NR2C2: variants seen among roughly 807,000 people sequenced by gnomAD.
The protein encoded by NR2C2 is Nuclear hormone receptor TR4.
In NR2C2, 6 loss-of-function variants were observed where a neutral mutation model predicts 62.9. The ratio of observed to expected loss-of-function variants is 0.10; its 90% CI spans 0.05 to 0.19. The LOEUF (loss-of-function observed/expected upper bound fraction) is 0.19. NR2C2 is among the 10% of genes least tolerant of loss of function. The probability of loss-of-function intolerance (pLI) is 1.00; values close to 1 mark genes in which losing one functional copy is unlikely to be tolerated. For synonymous variants in NR2C2, 272 were observed against 273.8 expected (o/e 0.99, Z 0.07); for missense variants, 479 against 762.7 (o/e 0.63, Z 4.38).
chr3:14,955,980 TGCTGCACTTTTTTACA>T (rs1482473422), intron 1 of NR2C2, among the ~76,000 whole-genome samples: 4 of 152,234 alleles, frequency 2.6e-5, no homozygotes, highest in African/African-American at 9.6e-5. Flanking sequence ...TACATATCAT[TGCTGCACTTTTTTACA>T]GTTGCTTTGA....
At chr3:15,023,415 G>A (rs2125029680) in intron 6 of NR2C2, 68 bp downstream of exon 6, 3 of 1,537,276 alleles carry the variant, frequency 2.0e-6, no homozygotes, top group Non-Finnish European at 2.7e-6. Context: ...GTGTCCCACA[G>A]CAGGCACTGT....
chr3:14,954,587 A>G (rs2039469886), intron 1 of NR2C2, among the ~76,000 whole-genome samples: 1 of 152,244 alleles, frequency 6.6e-6, no homozygotes, highest in South Asian at 2.1e-4. Flanking sequence ...TACAAAAATA[A>G]TGTTGGGCAA....
chr3:14,976,393 G>T (rs2040205332), intron 1 of NR2C2, among the ~76,000 whole-genome samples: 1 of 152,048 alleles, frequency 6.6e-6, no homozygotes, highest in African/African-American at 2.4e-5. Flanking sequence ...CTCCAACATA[G>T]TTGTAAAACT....
At chr3:15,035,407 G>T (rs1350210022) in intron 11 of NR2C2, among the ~76,000 whole-genome samples, 2 of 152,226 alleles carry the variant, frequency 1.3e-5, no homozygotes, top group Non-Finnish European at 2.9e-5. Flanking sequence ...TTCTTGATAG[G>T]CATTTAGTGA....
chr3:15,018,138 A>G (rs146889559), intron 4 of NR2C2, among the ~76,000 whole-genome samples: 7 of 152,266 alleles, frequency 4.6e-5, no homozygotes, highest in African/African-American at 1.2e-4. Flanking sequence ...AGCTGGGACT[A>G]TAGGTGTCTG....
intron 1 of NR2C2, among the ~76,000 whole-genome samples, chr3:14,998,387 A>T (rs1574981145): frequency 6.6e-6 from 1 of 152,202 alleles, no homozygotes; most frequent in African/African-American, 2.4e-5. Flanking sequence ...TACTACCAGC[A>T]ATGTATGAAG....
intron 1 of NR2C2, among the ~76,000 whole-genome samples, chr3:14,983,194 T>C (rs1244369815): frequency 6.6e-6 from 1 of 152,126 alleles, no homozygotes; most frequent in Non-Finnish European, 1.5e-5. Context: ...CTATCAAATA[T>C]TAGATCTTAT....
intron 8 of NR2C2, among the ~76,000 whole-genome samples, chr3:15,029,844 T>TAGATAC (rs2041928005): frequency 1.8e-5 from 2 of 113,268 alleles, no homozygotes; most frequent in Admixed American, 9.0e-5. Flanking sequence ...TAGATAGATA[T>TAGATAC]AGATAGACCC....
At chr3:14,967,790 A>C (rs2039900444) in intron 1 of NR2C2, among the ~76,000 whole-genome samples, 1 of 152,232 alleles carries the variant, frequency 6.6e-6, no homozygotes, top group Non-Finnish European at 1.5e-5. Context: ...CAAAACAGAG[A>C]TATAGATCAA....
chr3:14,956,789 C>T (rs2039538671), intron 1 of NR2C2, among the ~76,000 whole-genome samples: 1 of 152,238 alleles, frequency 6.6e-6, no homozygotes, highest in Admixed American at 6.5e-5. Context: ...GATCCGCCTG[C>T]CTTGGCCTCC....
intron 2 of NR2C2, among the ~76,000 whole-genome samples, 153 bp downstream of exon 2, chr3:15,004,139 C>T (rs1460603948): frequency 1.3e-5 from 2 of 152,122 alleles, no homozygotes; most frequent in Non-Finnish European, 2.9e-5. Context: ...AGAAAAAATG[C>T]TTACATTTAT....
At chr3:15,037,203 T>TTTTG (rs987915349) in intron 11 of NR2C2, among the ~76,000 whole-genome samples, 1 of 126,992 alleles carries the variant, frequency 7.9e-6, no homozygotes, top group African/African-American at 3.3e-5. Flanking sequence ...TGTTATTGTT[T>TTTTG]TTTGTTTGTG....
rs1553639444 is a variant in NR2C2 at position 14,981,623 on chromosome 3, A to AAAAAG, written c.-39-22253_-39-22252insAAAAG. ...GTCTCAAAAAAAAAAAAAAAAAAAA[A>AAAAAG]GAGTATTGATTCACATGATCACAAG... On this transcript the variant is annotated intron_variant, in intron 1 of 13. Coordinates refer to ENST00000425241, the MANE Select transcript of NR2C2 (RefSeq NM_001291694.2). Among the ~76,000 whole-genome samples the AAAAAG allele has an allele frequency of 1.4e-4, 19 of 140,396 alleles. 2 individuals are homozygous for AAAAAG. The highest frequency in any genetic ancestry group is 3.9e-4 in the African/African-American group (14 of 36,314). 92.1% of individuals were successfully genotyped at this position (140,396 alleles called of 152,430 possible). A position where few individuals can be genotyped will look rare whatever the true frequency, so the allele number is the denominator to read the frequency against.
chr3:15,029,796 G>GATAC (rs1559303916), intron 8 of NR2C2, among the ~76,000 whole-genome samples: 1 of 84,186 alleles, frequency 1.2e-5, no homozygotes, highest in Middle Eastern at 7.6e-3. Flanking sequence ...ATAAATAATA[G>GATAC]ATAGATAGAT....
chr3:15,029,234 C>CA (rs1307430625), intron 8 of NR2C2, among the ~76,000 whole-genome samples: 1 of 152,022 alleles, frequency 6.6e-6, no homozygotes, highest in Non-Finnish European at 1.5e-5. Flanking sequence ...CGTGCGCCAC[C>CA]ACCCCCACCC....
chr3:15,007,386 C>A (rs1312080474), intron 2 of NR2C2, among the ~76,000 whole-genome samples: 1 of 152,154 alleles, frequency 6.6e-6, no homozygotes, highest in Non-Finnish European at 1.5e-5. Flanking sequence ...CTCGGCCTCC[C>A]AAAATTCTGG....
chr3:15,034,519 C>T, intron 10 of NR2C2, 151 bp from the exon 11 acceptor site: 2 of 648,806 alleles, frequency 3.1e-6, no homozygotes, highest in Non-Finnish European at 5.0e-6. Context: ...AGACTTCATC[C>T]TTTTCTTGAA....
intron 2 of NR2C2, 106 bp from the exon 3 acceptor site, chr3:15,013,483 A>G (rs1190139209): frequency 1.1e-6 from 1 of 874,674 alleles, no homozygotes; most frequent in Non-Finnish European, 1.9e-6. Context: ...GTTAGACAGC[A>G]TTAATTCAAG....
At chr3:14,985,362 C>T (rs1388844412) in intron 1 of NR2C2, among the ~76,000 whole-genome samples, 1 of 152,112 alleles carries the variant, frequency 6.6e-6, no homozygotes, top group East Asian at 1.9e-4. Context: ...TCCAAGGTCA[C>T]ATTTTTCTCC....
Sources: allele counts gnomAD v4.1 joint callset (sites outside exome capture counted in the v4.1 genomes callset), GRCh38; gene constraint gnomAD v4.1.1; transcripts MANE v1.5; gene names NCBI Gene and HGNC (gene_info 2026-07-23, HGNC 2026-07-21).